The following RNF220 variants were observed in gnomAD, a reference collection of about 807,000 sequenced individuals.
RNF220 encodes the protein E3 ubiquitin-protein ligase RNF220.
Under a neutral mutation model 67.1 loss-of-function variants are expected in RNF220, and 7 were observed. The observed-to-expected ratio is 0.10, with a 90% CI of 0.06 to 0.20. The LOEUF is 0.20. Among genes scored for constraint, RNF220 ranks in the 10% least tolerant of loss-of-function variants. The probability of loss-of-function intolerance (pLI) is 1.00; values close to 1 mark genes in which losing one functional copy is unlikely to be tolerated. For missense variants in RNF220, 565 were observed against 740.3 expected, an observed-to-expected ratio of 0.76 and a Z score of 2.75; for synonymous variants, 270 against 283.2, an observed-to-expected ratio of 0.95 and a Z score of 0.47.
chr1:44,458,953 C>T (rs1653475328), intron 2 of RNF220, among the ~76,000 whole-genome samples: 1 of 152,142 alleles, frequency 6.6e-6, no homozygotes, highest in Admixed American at 6.5e-5. Context: ...AGAGAGCATC[C>T]ACTCTTGGAC....
chr1:44,422,262 G>T (rs1649306718), intron 2 of RNF220, among the ~76,000 whole-genome samples: 1 of 152,186 alleles, frequency 6.6e-6, no homozygotes, highest in Non-Finnish European at 1.5e-5. Context: ...GGGCAGTGGC[G>T]CATGCTCGGC....
At chr1:44,599,741 C>A (rs1666785832) in intron 2 of RNF220, among the ~76,000 whole-genome samples, 2 of 152,138 alleles carry the variant, frequency 1.3e-5, no homozygotes, top group Admixed American at 6.5e-5. Context: ...AGTGAGAATA[C>A]CAGATGAAGA....
At position 44,620,400 on chromosome 1, in the gene RNF220, C is replaced by G. The variant is rs117841490; in HGVS notation, c.759-2342C>G. On this transcript the variant is annotated intron_variant, in intron 3 of 14. Coordinates refer to ENST00000361799, the MANE Select transcript of RNF220 (RefSeq NM_018150.4). ...CTGGAGATAATACTCTTATCCTAGG[C>G]CAGGTAGAGCAAGCATGGTGTTGTA... 1.8e-4 allele frequency among the ~76,000 whole-genome samples: 27 copies of G among 152,336 alleles called. No individual in the cohort carries two copies. The East Asian group carries it at 4.4e-3, about 25-fold the overall frequency.
intron 2 of RNF220, among the ~76,000 whole-genome samples, chr1:44,505,721 T>C (rs537395778): frequency 6.6e-6 from 1 of 152,320 alleles, no homozygotes; most frequent in East Asian, 1.9e-4. Context: ...GGTCTTTATT[T>C]TGTGTCTGAT....
intron 2 of RNF220, among the ~76,000 whole-genome samples, chr1:44,493,426 A>C (rs1283119765): frequency 6.6e-6 from 1 of 152,152 alleles, no homozygotes; most frequent in East Asian, 1.9e-4. Flanking sequence ...AGGCAGGAGA[A>C]TCGCTTGAAC....
At chr1:44,598,562 C>T (rs1438482843) in intron 2 of RNF220, among the ~76,000 whole-genome samples, 1 of 152,160 alleles carries the variant, frequency 6.6e-6, no homozygotes, top group Non-Finnish European at 1.5e-5. Flanking sequence ...AAGCGTGCAG[C>T]CCAGGGGTTC....
intron 2 of RNF220, among the ~76,000 whole-genome samples, chr1:44,432,415 T>C (rs1028028465): frequency 3.3e-5 from 5 of 151,828 alleles, no homozygotes; most frequent in African/African-American, 1.2e-4. Context: ...GGATTACAGG[T>C]GCCCGCCACC....
Position 44,565,309 on chromosome 1 carries a change from A to C in RNF220, c.626-48856A>C. The stretch of plus-strand genomic sequence containing the variant: ...ATGCAGGGAGGGAGGGAGGGAGGGA[A>C]GAAGGAGGCAGTGAGAGGTCAGAAA... On this transcript the variant is annotated intron_variant, in intron 2 of 14. Coordinates refer to ENST00000361799, the MANE Select transcript of RNF220 (RefSeq NM_018150.4). The surrounding 1 kb of genome is among the most constrained non-coding windows in gnomAD (Gnocchi z 4.2). Among the ~76,000 whole-genome samples the C allele has an allele frequency of 6.6e-6, 1 of 152,202 alleles. No homozygotes were observed.
chr1:44,507,750 G>T (rs1212085993), intron 2 of RNF220, among the ~76,000 whole-genome samples: 1 of 152,158 alleles, frequency 6.6e-6, no homozygotes, highest in African/African-American at 2.4e-5. Context: ...GGGCGGCTTG[G>T]GCGCTGGGCG....
At chr1:44,629,688 T>TA (rs954802275) in intron 5 of RNF220, among the ~76,000 whole-genome samples, 11 of 151,350 alleles carry the variant, frequency 7.3e-5, no homozygotes, top group South Asian at 4.2e-4. Context: ...AAATATAAAA[T>TA]AAAAAAAATT....
intron 8 of RNF220, among the ~76,000 whole-genome samples, chr1:44,641,137 T>C (rs986559764): frequency 6.6e-6 from 1 of 152,232 alleles, no homozygotes; most frequent in Non-Finnish European, 1.5e-5. Context: ...GTTTCATTTC[T>C]GCACTTAACT....
chr1:44,632,920 C>T (rs1369002483), intron 6 of RNF220: 1 of 157,092 alleles, frequency 6.4e-6, no homozygotes, highest in African/African-American at 2.4e-5. Context: ...CTCGACAGCT[C>T]TTAGAGGCCT....
At chr1:44,518,336 G>A (rs1456274987) in intron 2 of RNF220, among the ~76,000 whole-genome samples, 1 of 152,138 alleles carries the variant, frequency 6.6e-6, no homozygotes, top group Non-Finnish European at 1.5e-5. Flanking sequence ...GAGATAGGAG[G>A]ATCGCTTGAG....
chr1:44,621,168 G>A lies in RNF220; in HGVS notation c.759-1574G>A, dbSNP rs972251926. Among the ~76,000 whole-genome samples the A allele has an allele frequency of 1.3e-5, 2 of 152,074 alleles. No individual in the cohort carries two copies. Among genetic ancestry groups the A allele is most frequent in the African/African-American group, 4.8e-5 (2 of 41,382 alleles). ...TGACCTCAGGTGATCCACCAGCCTC[G>A]GCCTCACAAAGTGCTGGGATTATAG... is the stretch of plus-strand genomic sequence containing the variant. On this transcript the variant is annotated intron_variant, in intron 3 of 14. Transcript: ENST00000361799. This position sits in a 1 kb window ranked among gnomAD's most constrained non-coding sequence, Gnocchi z 4.8.
intron 2 of RNF220, among the ~76,000 whole-genome samples, chr1:44,515,233 G>A (rs1274104420): frequency 6.6e-6 from 1 of 152,190 alleles, no homozygotes; most frequent in Admixed American, 6.5e-5. Flanking sequence ...CAGAACACGG[G>A]GTGGATGTCA....
intron 2 of RNF220, among the ~76,000 whole-genome samples, chr1:44,567,613 A>G (rs1664121140): frequency 6.6e-6 from 1 of 152,036 alleles, no homozygotes; most frequent in South Asian, 2.1e-4. Context: ...GTGGGAGGGT[A>G]AGGGAAATAG....
intron 2 of RNF220, among the ~76,000 whole-genome samples, chr1:44,562,698 T>C (rs1558046498): frequency 6.6e-6 from 1 of 152,070 alleles, no homozygotes. Flanking sequence ...TCAAGGAACC[T>C]CAAAAAGGCA....
In RNF220 at chr1:44,606,203, C is replaced by T. The variant is rs992787822; in HGVS notation, c.626-7962C>T. Among the ~76,000 whole-genome samples, 1 of 152,212 alleles carries T rather than the reference C, an allele frequency of 6.6e-6. No homozygotes were observed. The highest frequency in any genetic ancestry group is 6.5e-5 in the Admixed American group (1 of 15,282). On this transcript the variant is annotated intron_variant, in intron 2 of 14. Coordinates refer to ENST00000361799, the MANE Select transcript of RNF220 (RefSeq NM_018150.4). The surrounding 1 kb of genome is among the most constrained non-coding windows in gnomAD (Gnocchi z 4.2). ...TAAAACCAGCCGCATTGCTCTGGCC[C>T]GGAGACTGGGGAATGCCAATATACG...
intron 2 of RNF220, among the ~76,000 whole-genome samples, chr1:44,430,593 T>C (rs7415926): frequency 0.1 from 15,200 of 152,270 alleles, 948 homozygotes; most frequent in Middle Eastern, 0.22. Flanking sequence ...TCTCCCAGGC[T>C]GGGGTGCAGT....
Sources: allele counts gnomAD v4.1 joint callset (sites outside exome capture counted in the v4.1 genomes callset), GRCh38; gene constraint gnomAD v4.1.1; non-coding constraint Gnocchi (gnomAD v3.1); transcripts MANE v1.5; gene names NCBI Gene and HGNC (gene_info 2026-07-23, HGNC 2026-07-21).